LACTB: variants seen among roughly 807,000 people sequenced by gnomAD.
LACTB encodes the protein serine beta-lactamase-like protein LACTB, mitochondrial.
A neutral mutation model predicts 50.2 loss-of-function variants in LACTB; 35 were observed. The ratio of observed to expected loss-of-function variants is 0.70; its 90% CI spans 0.53 to 0.92. LACTB has a LOEUF of 0.92. Ranked by LOEUF, LACTB falls within the 40% of genes least tolerant of loss-of-function variation. The pLI is 0.00. For synonymous variants in LACTB, 252 were observed against 268.2 expected (o/e 0.94, Z 0.59); for missense variants, 664 against 691.8 (o/e 0.96, Z 0.45).
intron 2 of LACTB, among the ~76,000 whole-genome samples, chr15:63,122,989 G>A (rs1048593742): frequency 2.6e-5 from 4 of 152,142 alleles, no homozygotes; most frequent in Admixed American, 1.3e-4. Context: ...TTATCCTGGG[G>A]ATATATTCCA....
At chr15:63,122,850 G>C (rs1306707860) in intron 2 of LACTB, 148 bp downstream of exon 2, 17 of 642,534 alleles carry the variant, frequency 2.6e-5, no homozygotes, top group Non-Finnish European at 4.4e-5. Context: ...TAAAGAGTCA[G>C]GTGTTTTTAA....
chr15:63,139,194 C>G (rs1223091731), intron 5 of LACTB, among the ~76,000 whole-genome samples: 1 of 17,186 alleles, frequency 5.8e-5, no homozygotes, highest in African/African-American at 1.3e-4. Flanking sequence ...ACTAAAAATC[C>G]AAAAAAAAAA....
chr15:63,127,499 CA>C lies in LACTB; in HGVS notation c.766del (p.Ser256ValfsTer39). 1.9e-6 allele frequency: 3 copies of C among 1,613,266 alleles called. No individual in the cohort carries two copies. Among genetic ancestry groups the C allele is most frequent in the Non-Finnish European group, 2.5e-6 (3 of 1,179,708 alleles). On this transcript the variant is annotated frameshift_variant, in exon 4 of 6. Coordinates refer to ENST00000261893, the MANE Select transcript of LACTB (RefSeq NM_032857.5). LOFTEE classifies it high-confidence loss of function. ...TTGCATTTGAGCAAGAAAAAGAAGGCAAAAGTAATGAAAAGAATGATTTTAC... is the reference window on the plus strand; with the variant it reads ...TTGCATTTGAGCAAGAAAAAGAAGGCAAAGTAATGAAAAGAATGATTTTAC... ...NVAFEQEKEG[K>X]SNEKNDFTKF...
At chr15:63,138,362 T>C (rs189162223) in intron 5 of LACTB, among the ~76,000 whole-genome samples, 25 of 152,322 alleles carry the variant, frequency 1.6e-4, no homozygotes, top group Admixed American at 1.2e-3. Flanking sequence ...TCTGTGGTGA[T>C]ATAACATTCT....
chr15:63,135,997 A>T (rs2037172402), intron 5 of LACTB, among the ~76,000 whole-genome samples: 1 of 152,112 alleles, frequency 6.6e-6, no homozygotes, highest in Non-Finnish European at 1.5e-5. Flanking sequence ...CTTGCGCAAA[A>T]ATCAAAATAT....
intron 2 of LACTB, chr15:63,125,909 G>A (rs1280552869): frequency 7.0e-6 from 1 of 142,342 alleles, no homozygotes; most frequent in Non-Finnish European, 1.5e-5. Context: ...CTGCCATGTT[G>A]CTCAGGCTAG....
chr15:63,131,347 T>C (rs898400699), intron 5 of LACTB: 15 of 152,196 alleles, frequency 9.9e-5, no homozygotes, highest in Non-Finnish European at 2.2e-4. Flanking sequence ...CAGTATGCAC[T>C]CATGGATTCT....
Position 63,127,402 on chromosome 15 carries a change from A to G in LACTB, c.665A>G (p.His222Arg), listed in dbSNP as rs755533365. ...LLISHLSGIRHYEKDIKKVKE... is the reference protein window; with the variant it reads ...LLISHLSGIRRYEKDIKKVKE... ...ATTTCCCATTTAAGTGGAATTCGTC[A>G]TTATGAAAAGGACATAAAAAAGGTG... Residue 222 changes from histidine to arginine, a missense_variant, in exon 4 of 6, where the codon CAT becomes CGT. Physicochemically the swap from His to Arg is conservative, Grantham distance 29 (BLOSUM62 0). Coordinates refer to ENST00000261893, the MANE Select transcript of LACTB (RefSeq NM_032857.5). 6.3e-7 allele frequency: 1 copy of G among 1,586,336 alleles called. No homozygotes were observed. Among genetic ancestry groups the G allele is most frequent in the Admixed American group, 1.9e-5 (1 of 51,872 alleles).
chr15:63,129,235 A>G, intron 4 of LACTB: 1 of 271,328 alleles, frequency 3.7e-6, no homozygotes, highest in Non-Finnish European at 6.8e-6. Context: ...ATTATCAGAG[A>G]AAGGAGCAGA....
chr15:63,136,357 G>A (rs1425279993), intron 5 of LACTB, among the ~76,000 whole-genome samples: 2 of 152,088 alleles, frequency 1.3e-5, no homozygotes, highest in Admixed American at 6.6e-5. Context: ...TTGAAAAAAG[G>A]CGATGGGTTT....
At chr15:63,140,059 A>G (rs2467516) in intron 5 of LACTB, among the ~76,000 whole-genome samples, 2,723 of 152,274 alleles carry the variant, frequency 0.018, 78 homozygotes, top group African/African-American at 0.061. Context: ...GTTAGCCATG[A>G]TTGTACCGCT....
chr15:63,124,282 A>G (rs11071733), intron 2 of LACTB, among the ~76,000 whole-genome samples: 78,296 of 148,268 alleles, frequency 0.53, 21,214 homozygotes, highest in East Asian at 0.67. Flanking sequence ...TGGAATAAAG[A>G]CTAATTGCTA....
chr15:63,138,131 C>A (rs2729837), intron 5 of LACTB, among the ~76,000 whole-genome samples: 115,856 of 151,894 alleles, frequency 0.76, 44,482 homozygotes, highest in East Asian at 1. Flanking sequence ...TTCGAGACCA[C>A]CCTAAGCAAC....
In LACTB at chr15:63,127,441, C is replaced by A. The variant is rs1291212766; in HGVS notation, c.704C>A (p.Ala235Asp). The A allele has an allele frequency of 6.2e-7, 1 of 1,609,162 alleles. No individual in the cohort carries two copies. The highest frequency in any genetic ancestry group is 1.3e-5 in the African/African-American group (1 of 74,540). The change falls in exon 4 of 6, where the codon GCT becomes GAT. Residue 235 changes from alanine (A) to aspartate (D), a missense_variant. Transcript: ENST00000261893. Reference protein sequence around the residue: ...KDIKKVKEEKAYKALKMMKEN... With the variant: ...KDIKKVKEEKDYKALKMMKEN... Reference sequence around the variant, plus strand: ...ATAAAAAAGGTGAAAGAAGAGAAAGCTTATAAAGCCTTGAAGATGATGAAA... The same window carrying A: ...ATAAAAAAGGTGAAAGAAGAGAAAGATTATAAAGCCTTGAAGATGATGAAA...
rs1179920268 is a variant in LACTB, at chr15:63,122,716, ATTG to A, written c.424+20_424+22del. 2.5e-6 allele frequency: 4 copies of A among 1,595,940 alleles called. No homozygotes were observed. The highest frequency in any genetic ancestry group is 2.6e-6 in the Non-Finnish European group (3 of 1,163,440). ...TCTGGTCAGAAGGTGGGTTCAGAAAATTGTTGTTTTGTTCTGTGCCAGTTGGTA... is the reference window on the plus strand; with the variant it reads ...TCTGGTCAGAAGGTGGGTTCAGAAAATTGTTTTGTTCTGTGCCAGTTGGTA... On this transcript the variant is annotated intron_variant, in intron 2 of 5. Transcript: ENST00000261893.
Position 63,135,333 on chromosome 15 carries a change from AAAATAAATT to A in LACTB, c.1118+5685_1118+5693del, listed in dbSNP as rs569452381. 4.1e-4 allele frequency among the ~76,000 whole-genome samples: 63 copies of A among 152,382 alleles called. 1 individual carries two copies. The South Asian group carries it at 9.1e-3, about 22-fold the overall frequency. On this transcript the variant is annotated intron_variant, in intron 5 of 5. Coordinates refer to ENST00000261893, the MANE Select transcript of LACTB (RefSeq NM_032857.5). ...CCTAAAAGAGATTTCTTGGGGACCC[AAAATAAATT>A]AGATTAGCAACAAGCAATGAATTTT...
At chr15:63,132,499 G>C (rs754724446) in intron 5 of LACTB, among the ~76,000 whole-genome samples, 5 of 152,222 alleles carry the variant, frequency 3.3e-5, no homozygotes, top group Non-Finnish European at 7.4e-5. Context: ...GCAGACCTCT[G>C]CTACATGCCA....
chr15:63,125,019 T>C (rs1459411602), intron 2 of LACTB, among the ~76,000 whole-genome samples: 2 of 151,196 alleles, frequency 1.3e-5, no homozygotes, highest in Non-Finnish European at 2.9e-5. Flanking sequence ...GCAGTAGGGG[T>C]TTGAATTTGA....
At chr15:63,130,255 A>T (rs1228253267) in intron 5 of LACTB, 1 of 152,370 alleles carries the variant, frequency 6.6e-6, no homozygotes, top group East Asian at 1.9e-4. Context: ...CTGTAATCCC[A>T]ACACTTTGGA....
Sources: allele counts gnomAD v4.1 joint callset (sites outside exome capture counted in the v4.1 genomes callset), GRCh38; gene constraint gnomAD v4.1.1; transcripts MANE v1.5; gene names NCBI Gene and HGNC (gene_info 2026-07-23, HGNC 2026-07-21).